GREB1L: variants seen among roughly 807,000 people sequenced by gnomAD.
The protein encoded by GREB1L is GREB1 like retinoic acid receptor coactivator, also known as GREB1-like protein.
Under a neutral mutation model 200.8 loss-of-function variants are expected in GREB1L, and 17 were observed. The ratio of observed to expected loss-of-function variants is 0.08; its 90% CI spans 0.06 to 0.13. The LOEUF (loss-of-function observed/expected upper bound fraction) is 0.13, where lower values mean the gene tolerates loss of function less well. Among genes scored for constraint, GREB1L ranks in the 10% least tolerant of loss-of-function variants. The pLI is 1.00. For missense variants in GREB1L, 1,657 were observed against 2,367.7 expected, an observed-to-expected ratio of 0.70 and a Z score of 6.23; for synonymous variants, 789 against 893.0, an observed-to-expected ratio of 0.88 and a Z score of 2.08.
intron 20 of GREB1L, 30 bp from the exon 21 acceptor site, chr18:21,496,424 C>A: frequency 6.4e-7 from 1 of 1,550,680 alleles, no homozygotes; most frequent in Non-Finnish European, 8.7e-7. Flanking sequence ...GCCAGATAGA[C>A]TCACCAACAA....
At chr18:21,349,356 A>T (rs1223232394) in intron 1 of GREB1L, among the ~76,000 whole-genome samples, 14 of 151,816 alleles carry the variant, frequency 9.2e-5, no homozygotes, top group Non-Finnish European at 1.8e-4. Flanking sequence ...TTCTCTTGCC[A>T]CTCAATCTCC....
At chr18:21,260,674 A>G (rs1249757042) in intron 1 of GREB1L, among the ~76,000 whole-genome samples, 1 of 138,572 alleles carries the variant, frequency 7.2e-6, no homozygotes, top group East Asian at 1.9e-4. Flanking sequence ...TATAAATCTA[A>G]TTAAAAATAG....
chr18:21,316,368 C>T (rs765847186), intron 1 of GREB1L, among the ~76,000 whole-genome samples: 63 of 152,176 alleles, frequency 4.1e-4, no homozygotes, highest in East Asian at 5.8e-4. Flanking sequence ...AGATCTGGCT[C>T]AAATTATAAA....
At chr18:21,352,081 C>T (rs2039441920) in intron 1 of GREB1L, among the ~76,000 whole-genome samples, 4 of 151,738 alleles carry the variant, frequency 2.6e-5, no homozygotes, top group African/African-American at 7.3e-5. Flanking sequence ...CTCCTGACCT[C>T]GTGATCCACC....
At chr18:21,400,624 C>T (rs989928772) in intron 5 of GREB1L, among the ~76,000 whole-genome samples, 3 of 152,138 alleles carry the variant, frequency 2.0e-5, no homozygotes, top group Admixed American at 1.3e-4. Context: ...GGTCCAGTAC[C>T]ACCTGCCTGA....
At chr18:21,242,946 G>C (rs374758314) in intron 1 of GREB1L, among the ~76,000 whole-genome samples, 1 of 152,168 alleles carries the variant, frequency 6.6e-6, no homozygotes, top group African/African-American at 2.4e-5. Flanking sequence ...AGAACGTCCA[G>C]AGGTGGCTGG....
chr18:21,444,620 C>G (rs909708053), intron 11 of GREB1L, among the ~76,000 whole-genome samples: 1 of 151,740 alleles, frequency 6.6e-6, no homozygotes, highest in African/African-American at 2.4e-5. Context: ...TCTTTGGGTC[C>G]TAGAGGAGAT....
At chr18:21,375,086 T>C (rs1486636394) in intron 2 of GREB1L, among the ~76,000 whole-genome samples, 3 of 150,768 alleles carry the variant, frequency 2.0e-5, no homozygotes, top group Non-Finnish European at 4.4e-5. Flanking sequence ...TTTTTTGAGA[T>C]GGAGTCTCAC....
intron 7 of GREB1L, among the ~76,000 whole-genome samples, chr18:21,410,637 A>G (rs557243828): frequency 6.6e-6 from 1 of 151,986 alleles, no homozygotes; most frequent in Non-Finnish European, 1.5e-5. Flanking sequence ...CCTGGGAGAC[A>G]GAAAAAAAAA....
At chr18:21,299,280 A>G (rs922821940) in intron 1 of GREB1L, among the ~76,000 whole-genome samples, 11 of 82,986 alleles carry the variant, frequency 1.3e-4, no homozygotes, top group East Asian at 1.0e-3. Context: ...CTCAGTCTCG[A>G]AAAAAAAAAA....
At chr18:21,513,707 A>G (rs2037320206) in intron 27 of GREB1L, 114 bp from the exon 28 acceptor site, 1 of 965,546 alleles carries the variant, frequency 1.0e-6, no homozygotes, top group Non-Finnish European at 1.5e-6. Context: ...TCCCACCTGC[A>G]TGGTTCCCAT....
In GREB1L at chr18:21,525,012, G is replaced by GTGTATATATATATATATATATA. The variant is rs55641891; in HGVS notation, c.*2192_*2193insGTATATATATATATATATATAT. ...AAGCACAGGACACCATGATTTGTGT[G>GTGTATATATATATATATATATA]TATATATATATATATCCTAGTGTGT... On this transcript the variant is annotated 3_prime_UTR_variant, in exon 33 of 33. Coordinates refer to ENST00000424526, the MANE Select transcript of GREB1L (RefSeq NM_001142966.3). 1.7e-3 allele frequency: 252 copies of GTGTATATATATATATATATATA among 145,160 alleles called. 2 individuals carry two copies. The highest frequency in any genetic ancestry group is 7.2e-3 in the Middle Eastern group (2 of 276). The allele number at this position is 145,160 out of a possible 1,614,324, so 9.0% of individuals were successfully genotyped here. A position where few individuals can be genotyped will look rare whatever the true frequency, so the allele number is the denominator to read the frequency against.
chr18:21,315,942 ACCCT>A (rs1429700233), intron 1 of GREB1L, among the ~76,000 whole-genome samples: 4 of 151,604 alleles, frequency 2.6e-5, no homozygotes, highest in Non-Finnish European at 4.4e-5. Flanking sequence ...CTGTGACCCG[ACCCT>A]CCCCCCTGTG....
chr18:21,511,536 T>C (rs1400800723), intron 27 of GREB1L, among the ~76,000 whole-genome samples: 24 of 152,210 alleles, frequency 1.6e-4, no homozygotes, highest in Admixed American at 1.5e-3. Context: ...AAATGATTTA[T>C]AGTTTTAGCT....
chr18:21,422,893 A>C (rs2032268204), intron 7 of GREB1L, among the ~76,000 whole-genome samples: 1 of 152,122 alleles, frequency 6.6e-6, no homozygotes, highest in African/African-American at 2.4e-5. Flanking sequence ...TTATTTATTG[A>C]ACTTTTGGAT....
chr18:21,408,560 C>T lies in GREB1L; in HGVS notation c.832+4566C>T, dbSNP rs111753972. ...CTGTAATCCCAGCACTTTGGGAGGC[C>T]GAGGCAGGTGGATCATCCGAGGTCA... On this transcript the variant is annotated intron_variant, in intron 7 of 32. Coordinates refer to ENST00000424526, the MANE Select transcript of GREB1L (RefSeq NM_001142966.3). Among the ~76,000 whole-genome samples the T allele has an allele frequency of 7.9e-3, 1,197 of 152,038 alleles. 19 individuals are homozygous for T. Among genetic ancestry groups the T allele is most frequent in the African/African-American group, 0.028 (1,153 of 41,498 alleles).
intron 31 of GREB1L, among the ~76,000 whole-genome samples, chr18:21,518,932 T>C (rs1167882246): frequency 6.6e-6 from 1 of 152,212 alleles, no homozygotes; most frequent in African/African-American, 2.4e-5. Context: ...GCCAGAAGAA[T>C]ATTTTGGTGT....
chr18:21,375,058 TTTTTTG>T (rs1227730513), intron 2 of GREB1L, among the ~76,000 whole-genome samples: 1 of 139,966 alleles, frequency 7.1e-6, no homozygotes, highest in Non-Finnish European at 1.5e-5. Context: ...TTTTGTTTTG[TTTTTTG>T]TTTTTGTTTT....
At chr18:21,266,007 T>C (rs1382586238) in intron 1 of GREB1L, among the ~76,000 whole-genome samples, 1 of 152,216 alleles carries the variant, frequency 6.6e-6, no homozygotes, top group Non-Finnish European at 1.5e-5. Flanking sequence ...GGAAGAAAAG[T>C]ATTAAAAATG....
Sources: allele counts gnomAD v4.1 joint callset (sites outside exome capture counted in the v4.1 genomes callset), GRCh38; gene constraint gnomAD v4.1.1; transcripts MANE v1.5; gene names NCBI Gene and HGNC (gene_info 2026-07-23, HGNC 2026-07-21).